The following ACSS3 variants were observed in gnomAD, a reference collection of about 807,000 sequenced individuals.
The protein encoded by ACSS3 is acyl-CoA synthetase short-chain family member 3, mitochondrial.
ACSS3 carries 64 observed loss-of-function variants against 84.2 expected under a neutral mutation model. The observed-to-expected ratio is 0.76, with a 90% confidence interval of 0.62 to 0.94. The LOEUF (loss-of-function observed/expected upper bound fraction) is 0.94. Ranked by LOEUF, ACSS3 falls within the 40% of genes least tolerant of loss-of-function variation. The pLI, the probability that ACSS3 is intolerant of heterozygous loss-of-function variation, is 0.00. For missense variants in ACSS3, 815 were observed against 867.6 expected, an observed-to-expected ratio of 0.94 and a Z score of 0.76; for synonymous variants, 317 against 310.1, an observed-to-expected ratio of 1.02 and a Z score of -0.23.
chr12:81,189,622 A>G (rs1358812593), intron 8 of ACSS3, among the ~76,000 whole-genome samples: 1 of 152,098 alleles, frequency 6.6e-6, no homozygotes, highest in Non-Finnish European at 1.5e-5. Flanking sequence ...ACTTATATGT[A>G]TTATAAACAA....
At position 81,256,196 on chromosome 12, in the gene ACSS3, A is replaced by G. The variant is rs1315599518; in HGVS notation, c.*1274A>G. On this transcript the variant is annotated 3_prime_UTR_variant, in exon 16 of 16. Transcript: ENST00000548058. Reference sequence around the variant, plus strand: ...AGCGGACCCAGCAGAATATGGCCCAAAAAGGAGGCAGGTCTCCTGTTGCAA... The same window carrying G: ...AGCGGACCCAGCAGAATATGGCCCAGAAAGGAGGCAGGTCTCCTGTTGCAA... 4 of 152,266 alleles carry G rather than the reference A, an allele frequency of 2.6e-5. No homozygotes were observed. The highest frequency in any genetic ancestry group is 9.6e-5 in the African/African-American group (4 of 41,576). The allele number at this position is 152,266 out of a possible 1,614,324, so 9.4% of individuals were successfully genotyped here. A position where few individuals can be genotyped will look rare whatever the true frequency, so the allele number is the denominator to read the frequency against.
rs531986618 is a variant in ACSS3, at chr12:81,135,319, A to G, written c.645+315A>G. ...TATAATATATATTATATATCACATTATATATTATATATTATAATATATTAT... is the reference window on the plus strand; with the variant it reads ...TATAATATATATTATATATCACATTGTATATTATATATTATAATATATTAT... On this transcript the variant is annotated intron_variant, in intron 3 of 15. Transcript: ENST00000548058. Among the ~76,000 whole-genome samples the G allele has an allele frequency of 9.7e-5, 14 of 144,542 alleles. 1 individual carries two copies. The South Asian group carries it at 3.0e-3, about 30-fold the overall frequency. 94.8% of individuals were successfully genotyped at this position (144,542 alleles called of 152,430 possible). A position where few individuals can be genotyped will look rare whatever the true frequency, so the allele number is the denominator to read the frequency against.
intron 8 of ACSS3, among the ~76,000 whole-genome samples, chr12:81,177,059 C>A (rs1340704762): frequency 6.6e-6 from 1 of 152,084 alleles, no homozygotes; most frequent in Non-Finnish European, 1.5e-5. Context: ...TAACTAAAAA[C>A]AAAAGCTGTG....
intron 2 of ACSS3, chr12:81,118,106 A>C (rs1369307196): frequency 6.6e-6 from 1 of 152,178 alleles, no homozygotes; most frequent in African/African-American, 2.4e-5. Flanking sequence ...TTTTTCACAT[A>C]CACACATACA....
At chr12:81,196,132 A>G (rs1014627281) in intron 8 of ACSS3, among the ~76,000 whole-genome samples, 1 of 152,198 alleles carries the variant, frequency 6.6e-6, no homozygotes, top group African/African-American at 2.4e-5. Context: ...AGAATAAATT[A>G]TTAGCATAAT....
intron 4 of ACSS3, among the ~76,000 whole-genome samples, chr12:81,140,182 T>C (rs2135725560): frequency 6.6e-6 from 1 of 152,262 alleles, no homozygotes; most frequent in East Asian, 1.9e-4. Flanking sequence ...AGGCCAGAAA[T>C]AAAACTATGC....
At chr12:81,142,047 C>A (rs1295065673) in intron 4 of ACSS3, among the ~76,000 whole-genome samples, 1 of 152,114 alleles carries the variant, frequency 6.6e-6, no homozygotes, top group Non-Finnish European at 1.5e-5. Context: ...AATATATGAA[C>A]AGTTTTTACA....
At chr12:81,224,497 T>C (rs950143931) in intron 11 of ACSS3, among the ~76,000 whole-genome samples, 2 of 151,742 alleles carry the variant, frequency 1.3e-5, no homozygotes, top group Non-Finnish European at 2.9e-5. Context: ...TTTTCTTTCA[T>C]TGATCACATT....
intron 1 of ACSS3, among the ~76,000 whole-genome samples, chr12:81,100,256 A>G (rs1340733476): frequency 8.7e-6 from 1 of 114,820 alleles, no homozygotes; most frequent in Non-Finnish European, 1.7e-5. Context: ...GGGTCTTGCC[A>G]TGTTGCCCAG....
chr12:81,154,423 T>C (rs1886766279), intron 7 of ACSS3, among the ~76,000 whole-genome samples: 2 of 151,856 alleles, frequency 1.3e-5, no homozygotes, highest in South Asian at 4.2e-4. Context: ...CTATAAATAT[T>C]TGTTGTGTGA....
intron 8 of ACSS3, among the ~76,000 whole-genome samples, chr12:81,191,009 AT>A (rs893978162): frequency 1.0e-4 from 15 of 149,226 alleles, no homozygotes; most frequent in African/African-American, 1.7e-4. Flanking sequence ...TTTGTTGAAG[AT>A]TTTTTTTTTG....
rs1349274299 is a variant in ACSS3, at chr12:81,151,906, C to T, written c.984C>T (p.Tyr328=). 11 of 1,613,686 alleles carry T rather than the reference C, an allele frequency of 6.8e-6. No homozygotes were observed. Among genetic ancestry groups the T allele is most frequent in the Admixed American group, 3.3e-5 (2 of 59,980 alleles). The change falls in exon 6 of 16, where the codon TAC becomes TAT. Residue 328 remains tyrosine, a synonymous_variant. Transcript: ENST00000548058. The part of the protein sequence containing the change: ...VMLHWSMSSI[Y]GLQPGEVWWA... Reference sequence around the variant, plus strand: ...TACACTGGTCAATGTCTTCCATATACGGACTTCAACCCGGAGAGGTAATCG... The same window carrying T: ...TACACTGGTCAATGTCTTCCATATATGGACTTCAACCCGGAGAGGTAATCG...
At chr12:81,236,993 T>C (rs989077227) in intron 13 of ACSS3, among the ~76,000 whole-genome samples, 2 of 151,476 alleles carry the variant, frequency 1.3e-5, no homozygotes, top group Non-Finnish European at 1.5e-5. Flanking sequence ...GATTTTTCTC[T>C]ACTTAAAAGG....
intron 8 of ACSS3, among the ~76,000 whole-genome samples, chr12:81,186,530 G>C (rs2031264055): frequency 6.6e-6 from 1 of 151,520 alleles, no homozygotes; most frequent in Admixed American, 6.6e-5. Context: ...CTAATAACCT[G>C]ATCAAAAAAT....
intron 7 of ACSS3, among the ~76,000 whole-genome samples, chr12:81,156,792 T>A (rs1886894975): frequency 6.6e-6 from 1 of 152,150 alleles, no homozygotes; most frequent in South Asian, 2.1e-4. Context: ...AAATCCAATA[T>A]GTAATTAAAT....
chr12:81,250,450 T>A (rs2034116230), intron 13 of ACSS3, among the ~76,000 whole-genome samples: 1 of 152,084 alleles, frequency 6.6e-6, no homozygotes, highest in South Asian at 2.1e-4. Context: ...TTATAGGAAA[T>A]GTTGTATATT....
intron 1 of ACSS3, among the ~76,000 whole-genome samples, chr12:81,106,062 G>A (rs1185640688): frequency 6.6e-6 from 1 of 152,170 alleles, no homozygotes; most frequent in African/African-American, 2.4e-5. Context: ...GGTTTTGAAT[G>A]TCATCTAAAG....
At position 81,255,852 on chromosome 12, in the gene ACSS3, T is replaced by C. The variant is rs573641957; in HGVS notation, c.*930T>C. 2.6e-5 allele frequency: 4 copies of C among 152,290 alleles called. No homozygotes were observed. The highest frequency in any genetic ancestry group is 5.9e-5 in the Non-Finnish European group (4 of 68,040). 9.4% of individuals were successfully genotyped at this position (152,290 alleles called of 1,614,324 possible). The stretch of plus-strand genomic sequence containing the variant: ...CCTGGCGGAGAACAAAGAGATCATT[T>C]AGTCCAATCTCTTCATGGAGATGAG... On this transcript the variant is annotated 3_prime_UTR_variant, in exon 16 of 16. Transcript: ENST00000548058.
intron 11 of ACSS3, among the ~76,000 whole-genome samples, chr12:81,220,646 G>A (rs536061070): frequency 6.6e-6 from 1 of 152,036 alleles, no homozygotes; most frequent in South Asian, 2.1e-4. Context: ...TTATGTCCAT[G>A]TGTACCCATT....
Sources: allele counts gnomAD v4.1 joint callset (sites outside exome capture counted in the v4.1 genomes callset), GRCh38; gene constraint gnomAD v4.1.1; transcripts MANE v1.5; gene names NCBI Gene and HGNC (gene_info 2026-07-23, HGNC 2026-07-21).